Variants in CCDC91 observed in about 807,000 individuals in gnomAD.
CCDC91 encodes coiled-coil domain-containing protein 91.
CCDC91 carries 48 observed loss-of-function variants against 63.2 expected under a neutral mutation model. The ratio of observed to expected loss-of-function variants is 0.76; its 90% CI spans 0.60 to 0.97. CCDC91 has a LOEUF of 0.97. Ranked by LOEUF, CCDC91 falls within the 50% of genes least tolerant of loss-of-function variation. The probability of loss-of-function intolerance (pLI) is 0.00; values close to 1 mark genes in which losing one functional copy is unlikely to be tolerated. For synonymous variants in CCDC91, 167 were observed against 165.8 expected, an observed-to-expected ratio of 1.01 and a Z score of -0.06; for missense variants, 500 against 494.6, an observed-to-expected ratio of 1.01 and a Z score of -0.10.
At chr12:28,283,408 G>A (rs1409076348) in intron 3 of CCDC91, among the ~76,000 whole-genome samples, 1 of 151,656 alleles carries the variant, frequency 6.6e-6, no homozygotes, top group Non-Finnish European at 1.5e-5. Context: ...TGTTGTTCCT[G>A]TGTAGATGTT....
intron 12 of CCDC91, among the ~76,000 whole-genome samples, chr12:28,521,631 G>A (rs929149167): frequency 2.6e-5 from 4 of 152,106 alleles, no homozygotes; most frequent in African/African-American, 9.7e-5. Flanking sequence ...TGGTGAGAGG[G>A]GACATCCCTG....
At chr12:28,508,389 G>A (rs908856088) in intron 12 of CCDC91, among the ~76,000 whole-genome samples, 2 of 151,688 alleles carry the variant, frequency 1.3e-5, no homozygotes, top group African/African-American at 4.8e-5. Context: ...TTTACCTGAT[G>A]GGATAGCACA....
intron 3 of CCDC91, among the ~76,000 whole-genome samples, chr12:28,305,395 G>T (rs1938603146): frequency 6.6e-6 from 1 of 151,972 alleles, no homozygotes; most frequent in African/African-American, 2.4e-5. Context: ...TAAACACTAA[G>T]ACTTTATAAA....
At position 28,490,135 on chromosome 12, in the gene CCDC91, G is replaced by A. The variant is rs578121721; in HGVS notation, c.1215+5970G>A. 3.3e-5 allele frequency among the ~76,000 whole-genome samples: 5 copies of A among 151,918 alleles called. 1 individual carries two copies. In the South Asian group the frequency reaches 1.0e-3, roughly 32 times the overall value. On this transcript the variant is annotated intron_variant, in intron 12 of 12. Transcript: ENST00000536442. Reference sequence around the variant, plus strand: ...TAGTGTAGGAAAATGGCGCTTTCCTGACATTTCCCATCTTCCTGCCCCTTT... The same window carrying A: ...TAGTGTAGGAAAATGGCGCTTTCCTAACATTTCCCATCTTCCTGCCCCTTT...
intron 3 of CCDC91, among the ~76,000 whole-genome samples, chr12:28,290,664 G>A (rs556885528): frequency 6.6e-6 from 1 of 152,080 alleles, no homozygotes; most frequent in Non-Finnish European, 1.5e-5. Flanking sequence ...TTTCATCAAT[G>A]CAATAGGAGC....
chr12:28,452,530 G>GA lies in CCDC91; in HGVS notation c.983dup (p.Asn328LysfsTer8). The GA allele has an allele frequency of 6.3e-7, 1 of 1,585,958 alleles. No individual in the cohort carries two copies. The highest frequency in any genetic ancestry group is 8.6e-7 in the Non-Finnish European group (1 of 1,166,840). On this transcript the variant is annotated frameshift_variant, in exon 11 of 13. Coordinates refer to ENST00000536442, the MANE Select transcript of CCDC91 (RefSeq NM_018318.5). LOFTEE classifies it high-confidence loss of function. ...GTTTTAAAAGTCGTAGAAGAAGAAA[G>GA]AAAAAATTTAGAAAAAGCGCATGCT...
intron 6 of CCDC91, among the ~76,000 whole-genome samples, chr12:28,324,755 A>G (rs1167047620): frequency 6.6e-6 from 1 of 151,906 alleles, no homozygotes; most frequent in African/African-American, 2.4e-5. Flanking sequence ...GTGTTTAAGA[A>G]CAATGCCTGG....
chr12:28,374,462 A>C (rs1336603617), intron 7 of CCDC91, among the ~76,000 whole-genome samples: 1 of 152,154 alleles, frequency 6.6e-6, no homozygotes, highest in Non-Finnish European at 1.5e-5. Context: ...TTTTGGGTTT[A>C]TCATTTAAAA....
chr12:28,457,685 T>G (rs1482781980), intron 11 of CCDC91, among the ~76,000 whole-genome samples: 1 of 151,852 alleles, frequency 6.6e-6, no homozygotes, highest in African/African-American at 2.4e-5. Context: ...ACTTGAGAGA[T>G]GTTTTCCTTT....
chr12:28,459,595 G>C (rs775761427), intron 11 of CCDC91, among the ~76,000 whole-genome samples: 2 of 151,798 alleles, frequency 1.3e-5, no homozygotes, highest in African/African-American at 4.9e-5. Flanking sequence ...ATGCCAAACT[G>C]AACTGATTCT....
At chr12:28,330,185 C>T (rs1220068146) in intron 6 of CCDC91, among the ~76,000 whole-genome samples, 3 of 152,104 alleles carry the variant, frequency 2.0e-5, no homozygotes, top group South Asian at 2.1e-4. Context: ...CTTAAGGAAT[C>T]GCCACACTGT....
chr12:28,476,686 T>C (rs1017169246), intron 11 of CCDC91, among the ~76,000 whole-genome samples: 5 of 152,044 alleles, frequency 3.3e-5, no homozygotes, highest in African/African-American at 4.8e-5. Context: ...CAGGAGCTTG[T>C]TTTTTGAAAA....
At chr12:28,427,142 G>A (rs151050535) in intron 8 of CCDC91, among the ~76,000 whole-genome samples, 2 of 152,208 alleles carry the variant, frequency 1.3e-5, no homozygotes, top group African/African-American at 2.4e-5. Flanking sequence ...GGGGAAAGAA[G>A]CATTCCATAA....
chr12:28,410,757 G>A lies in CCDC91; in HGVS notation c.762+19346G>A, dbSNP rs113142358. On this transcript the variant is annotated intron_variant, in intron 8 of 12. Transcript: ENST00000536442. The stretch of plus-strand genomic sequence containing the variant: ...GGCTGGTCTCAAACTCCTGACCTCA[G>A]GTAATCCGCCCGCCTCAGCCTCCCA... Among the ~76,000 whole-genome samples, 256 of 152,038 alleles carry A rather than the reference G, an allele frequency of 1.7e-3. 1 individual carries two copies. The highest frequency in any genetic ancestry group is 9.7e-3 in the East Asian group (50 of 5,162).
chr12:28,444,100 G>C (rs917866326), intron 8 of CCDC91, among the ~76,000 whole-genome samples: 4 of 152,176 alleles, frequency 2.6e-5, no homozygotes, highest in African/African-American at 9.7e-5. Flanking sequence ...TGATAGCACA[G>C]TAAATTCACT....
intron 8 of CCDC91, among the ~76,000 whole-genome samples, chr12:28,441,325 G>GT (rs1462959148): frequency 6.6e-6 from 1 of 151,778 alleles, no homozygotes; most frequent in Non-Finnish European, 1.5e-5. Flanking sequence ...AGATTTGACA[G>GT]TTTTTTATAA....
chr12:28,414,307 C>G (rs1947505682), intron 8 of CCDC91, among the ~76,000 whole-genome samples: 1 of 151,872 alleles, frequency 6.6e-6, no homozygotes, highest in Non-Finnish European at 1.5e-5. Context: ...GACAACAAGT[C>G]AGATAGTTTG....
chr12:28,279,267 C>T (rs1215582797), intron 3 of CCDC91, among the ~76,000 whole-genome samples: 13 of 151,642 alleles, frequency 8.6e-5, no homozygotes, highest in African/African-American at 2.7e-4. Flanking sequence ...AGAATGTGAG[C>T]TTTAGGATTG....
chr12:28,204,754 C>T (rs1368766016), intron 1 of CCDC91, among the ~76,000 whole-genome samples: 7 of 152,128 alleles, frequency 4.6e-5, no homozygotes, highest in Non-Finnish European at 8.8e-5. Context: ...AAAGGCTCAC[C>T]ACAGAGTTGC....
Sources: gnomAD v4.1 joint callset for allele counts (sites outside exome capture counted in the v4.1 genomes callset) on GRCh38, gnomAD v4.1.1 for gene constraint, MANE v1.5 for transcripts, NCBI Gene and HGNC (gene_info 2026-07-23, HGNC 2026-07-21) for gene names.